ANKRD33B: variants seen among roughly 807,000 people sequenced by gnomAD.
ANKRD33B encodes the protein ankyrin repeat domain-containing protein 33B.
ANKRD33B carries 6 observed loss-of-function variants against 21.5 expected under a neutral mutation model. That is an observed-to-expected ratio of 0.28 (90% CI 0.15 to 0.55). The LOEUF (loss-of-function observed/expected upper bound fraction) is 0.55. ANKRD33B is among the 20% of genes least tolerant of loss of function. The pLI is 0.94. For missense variants in ANKRD33B, 698 were observed against 747.2 expected, an observed-to-expected ratio of 0.93 and a Z score of 0.77; for synonymous variants, 347 against 342.4, an observed-to-expected ratio of 1.01 and a Z score of -0.15.
rs552994718 is a variant in ANKRD33B, at chr5:10,569,311, G to A, written c.366+4478G>A. 2.0e-5 allele frequency among the ~76,000 whole-genome samples: 3 copies of A among 152,262 alleles called. No individual in the cohort carries two copies. The East Asian group carries it at 5.8e-4, about 29-fold the overall frequency. ...CAAGCTTTGCTTTTTAGGAATGTAT[G>A]TTAGGCTGGGCGTGGTGGCTCCTTC... is the stretch of plus-strand genomic sequence containing the variant. On this transcript the variant is annotated intron_variant, in intron 1 of 3. Transcript: ENST00000296657.
intron 1 of ANKRD33B, among the ~76,000 whole-genome samples, chr5:10,616,425 G>A (rs11951788): frequency 0.088 from 13,431 of 152,014 alleles, 1,991 homozygotes; most frequent in African/African-American, 0.31. Flanking sequence ...TTAGCCGGGC[G>A]TGGTGGCACA....
In ANKRD33B at chr5:10,657,748, A is replaced by G. The variant is rs1421887018; in HGVS notation, c.*7635A>G. The G allele has an allele frequency of 1.3e-5, 2 of 152,204 alleles. No homozygotes were observed. The highest frequency in any genetic ancestry group is 2.1e-4 in the South Asian group (1 of 4,836). 9.4% of individuals were successfully genotyped at this position (152,204 alleles called of 1,614,324 possible). A position where few individuals can be genotyped will look rare whatever the true frequency, so the allele number is the denominator to read the frequency against. Reference sequence around the variant, plus strand: ...TGTATCTAATGTTTAAAAAATATGGAAAAAAGGGATAATGTAAAAATGTGG... The same window carrying G: ...TGTATCTAATGTTTAAAAAATATGGGAAAAAGGGATAATGTAAAAATGTGG... On this transcript the variant is annotated 3_prime_UTR_variant, in exon 4 of 4. Transcript: ENST00000296657.
intron 3 of ANKRD33B, 60 bp from the exon 4 acceptor site, chr5:10,649,206 C>T (rs1009970393): frequency 9.5e-6 from 14 of 1,472,672 alleles, no homozygotes; most frequent in Middle Eastern, 2.4e-4. Flanking sequence ...CAGGCTCTGC[C>T]TGGGAGGGAA....
At position 10,656,296 on chromosome 5, in the gene ANKRD33B, G is replaced by C. The variant is rs1247594824; in HGVS notation, c.*6183G>C. ...TTTCAAGCGACTCAGCTGAAAGCCGGTGTTGCATACACAATTTCCTCACGC... is the reference window on the plus strand; with the variant it reads ...TTTCAAGCGACTCAGCTGAAAGCCGCTGTTGCATACACAATTTCCTCACGC... On this transcript the variant is annotated 3_prime_UTR_variant, in exon 4 of 4. Transcript: ENST00000296657. 6.6e-6 allele frequency: 1 copy of C among 152,402 alleles called. No individual in the cohort carries two copies. Among genetic ancestry groups the C allele is most frequent in the African/African-American group, 2.4e-5 (1 of 41,454 alleles). 9.4% of individuals were successfully genotyped at this position (152,402 alleles called of 1,614,324 possible). A position where few individuals can be genotyped will look rare whatever the true frequency, so the allele number is the denominator to read the frequency against.
chr5:10,568,765 C>T (rs2126542353), intron 1 of ANKRD33B, among the ~76,000 whole-genome samples: 1 of 152,300 alleles, frequency 6.6e-6, no homozygotes, highest in Admixed American at 6.5e-5. Context: ...GAACTCCTGA[C>T]CTCAAGTGAT....
At chr5:10,641,081 G>C (rs1737043318) in intron 3 of ANKRD33B, among the ~76,000 whole-genome samples, 1 of 152,142 alleles carries the variant, frequency 6.6e-6, no homozygotes, top group Non-Finnish European at 1.5e-5. Context: ...CACCACCCCT[G>C]TCTTGGTTAT....
At position 10,654,483 on chromosome 5, in the gene ANKRD33B, A is replaced by T. The variant is rs1737436378; in HGVS notation, c.*4370A>T. On this transcript the variant is annotated 3_prime_UTR_variant, in exon 4 of 4. Coordinates refer to ENST00000296657, the MANE Select transcript of ANKRD33B (RefSeq NM_001164440.2). ...TTAGTGTTTGAGTAAATTATGCTTT[A>T]ACTGGACAGAAGAAATATTTCTCAG... 1 of 152,408 alleles carries T rather than the reference A, an allele frequency of 6.6e-6. No individual in the cohort carries two copies. The highest frequency in any genetic ancestry group is 1.5e-5 in the Non-Finnish European group (1 of 68,048). The allele number at this position is 152,408 out of a possible 1,614,324, so 9.4% of individuals were successfully genotyped here. A position where few individuals can be genotyped will look rare whatever the true frequency, so the allele number is the denominator to read the frequency against.
rs1255106518 is a variant in ANKRD33B at position 10,657,668 on chromosome 5, T to A, written c.*7555T>A. The A allele has an allele frequency of 6.6e-6, 1 of 152,362 alleles. No individual in the cohort carries two copies. Among genetic ancestry groups the A allele is most frequent in the Non-Finnish European group, 1.5e-5 (1 of 68,044 alleles). The allele number at this position is 152,362 out of a possible 1,614,324, so 9.4% of individuals were successfully genotyped here. On this transcript the variant is annotated 3_prime_UTR_variant, in exon 4 of 4. Coordinates refer to ENST00000296657, the MANE Select transcript of ANKRD33B (RefSeq NM_001164440.2). ...AAGTTAATAATCTTTAAGCTAAATA[T>A]AATGTGATATGATTCAGAAAAAAAT...
intron 3 of ANKRD33B, among the ~76,000 whole-genome samples, chr5:10,644,284 C>T (rs772279273): frequency 1.5e-4 from 23 of 152,232 alleles, no homozygotes; most frequent in Non-Finnish European, 3.1e-4. Flanking sequence ...AATGCAGGCT[C>T]TGCTGAAGAG....
intron 1 of ANKRD33B, among the ~76,000 whole-genome samples, chr5:10,615,260 A>G: frequency 6.6e-6 from 1 of 152,236 alleles, no homozygotes; most frequent in Non-Finnish European, 1.5e-5. Context: ...GCAGGTTAGC[A>G]TATTCCAAGC....
intron 2 of ANKRD33B, among the ~76,000 whole-genome samples, chr5:10,635,165 A>T (rs544723337): frequency 3.3e-5 from 5 of 152,208 alleles, no homozygotes; most frequent in Admixed American, 6.5e-5. Flanking sequence ...TGCTGAGGAT[A>T]TATCAGTGCA....
chr5:10,643,458 GAA>G (rs1455325076), intron 3 of ANKRD33B, among the ~76,000 whole-genome samples: 1 of 149,394 alleles, frequency 6.7e-6, no homozygotes, highest in Non-Finnish European at 1.5e-5. Flanking sequence ...TACAAAGTGA[GAA>G]GAGACATTTT....
intron 1 of ANKRD33B, among the ~76,000 whole-genome samples, chr5:10,611,309 C>T (rs796308069): frequency 4.6e-5 from 7 of 152,254 alleles, no homozygotes; most frequent in African/African-American, 1.7e-4. Context: ...ATCTTACTTT[C>T]TATTTTACTT....
In ANKRD33B at chr5:10,566,992, T is replaced by C. The variant is rs78974258; in HGVS notation, c.366+2159T>C. Among the ~76,000 whole-genome samples, 1,088 of 152,370 alleles carry C rather than the reference T, an allele frequency of 7.1e-3. 9 individuals are homozygous for C. Among genetic ancestry groups the C allele is most frequent in the Non-Finnish European group, 0.011 (779 of 68,030 alleles). ...TTGTTTTGTTTTGTTTTTTGTCTTC[T>C]GCCAGGCAAGGCTTTTTCTCTCGCT... is the stretch of plus-strand genomic sequence containing the variant. On this transcript the variant is annotated intron_variant, in intron 1 of 3. Coordinates refer to ENST00000296657, the MANE Select transcript of ANKRD33B (RefSeq NM_001164440.2).
chr5:10,618,391 A>T lies in ANKRD33B; in HGVS notation c.425A>T (p.Glu142Val), dbSNP rs1367148632. Reference sequence around the variant, plus strand: ...GTGGATACCGTGGTGGCCTTAGCAGAGTGCCCCCACGTTGACGTCAACTGG... The same window carrying T: ...GTGGATACCGTGGTGGCCTTAGCAGTGTGCCCCCACGTTGACGTCAACTGG... ...GFVDTVVALA[E>V]CPHVDVNWQD... Residue 142 changes from glutamate to valine, a missense_variant, in exon 2 of 4, where the codon GAG becomes GTG. This residue lies in a region of ANKRD33B where 543 missense variants were observed against 566.5 expected (regional missense o/e 0.96). Coordinates refer to ENST00000296657, the MANE Select transcript of ANKRD33B (RefSeq NM_001164440.2). 1 of 1,537,742 alleles carries T rather than the reference A, an allele frequency of 6.5e-7. No individual in the cohort carries two copies. Among genetic ancestry groups the T allele is most frequent in the African/African-American group, 1.4e-5 (1 of 73,172 alleles).
intron 1 of ANKRD33B, among the ~76,000 whole-genome samples, chr5:10,591,297 A>G (rs997972184): frequency 6.9e-6 from 1 of 145,482 alleles, no homozygotes. Flanking sequence ...GTTTCAAGCA[A>G]TTCTCCTGCC....
chr5:10,580,089 T>C (rs2126551724), intron 1 of ANKRD33B, among the ~76,000 whole-genome samples: 1 of 150,794 alleles, frequency 6.6e-6, no homozygotes, highest in Admixed American at 6.6e-5. Context: ...TAATTTTATG[T>C]CCCCCTATCT....
intron 1 of ANKRD33B, among the ~76,000 whole-genome samples, chr5:10,572,207 A>G (rs1307823927): frequency 1.3e-5 from 2 of 152,134 alleles, no homozygotes; most frequent in Admixed American, 1.3e-4. Flanking sequence ...AGTATTTTCT[A>G]AAACTCCCAG....
intron 2 of ANKRD33B, among the ~76,000 whole-genome samples, chr5:10,621,715 C>A (rs1736426192): frequency 1.3e-5 from 2 of 152,184 alleles, no homozygotes; most frequent in Non-Finnish European, 2.9e-5. Flanking sequence ...CTAATAGATG[C>A]AAAACTGGTT....
Sources: allele counts gnomAD v4.1 joint callset (sites outside exome capture counted in the v4.1 genomes callset), GRCh38; gene constraint gnomAD v4.1.1; regional missense constraint gnomAD v4.1.1; transcripts MANE v1.5; gene names NCBI Gene and HGNC (gene_info 2026-07-23, HGNC 2026-07-21).